LSAMP: variants seen among roughly 807,000 people sequenced by gnomAD.
LSAMP encodes limbic system-associated membrane protein.
LSAMP carries 7 observed loss-of-function variants against 38.6 expected under a neutral mutation model. The ratio of observed to expected loss-of-function variants is 0.18; its 90% CI spans 0.10 to 0.34. The LOEUF is 0.34. Ranked by LOEUF, LSAMP falls within the 10% of genes least tolerant of loss-of-function variation. LSAMP has a pLI of 1.00. For missense variants in LSAMP, 313 were observed against 420.0 expected, an observed-to-expected ratio of 0.75 and a Z score of 2.23; for synonymous variants, 154 against 166.8, an observed-to-expected ratio of 0.92 and a Z score of 0.59.
At chr3:116,357,892 G>T (rs1043056331) in intron 1 of LSAMP, among the ~76,000 whole-genome samples, 3 of 148,890 alleles carry the variant, frequency 2.0e-5, no homozygotes, top group Admixed American at 6.7e-5. Context: ...ACTTGTTTTC[G>T]CAAACAAAGT....
intron 1 of LSAMP, among the ~76,000 whole-genome samples, chr3:116,390,734 C>T (rs1435255349): frequency 4.8e-5 from 6 of 126,058 alleles, no homozygotes; most frequent in East Asian, 2.1e-4. Context: ...AGTGAGACTC[C>T]GCCTCAAAAA....
At chr3:115,946,078 G>A (rs1223329932) in intron 3 of LSAMP, among the ~76,000 whole-genome samples, 1 of 152,212 alleles carries the variant, frequency 6.6e-6, no homozygotes, top group African/African-American at 2.4e-5. Context: ...ATACCGTAAG[G>A]AGACTTCCCA....
intron 3 of LSAMP, among the ~76,000 whole-genome samples, chr3:115,915,932 A>T (rs755515546): frequency 6.6e-6 from 1 of 152,078 alleles, no homozygotes; most frequent in Non-Finnish European, 1.5e-5. Context: ...CCCCTAGAAC[A>T]CTATGCTGAC....
chr3:116,403,672 T>C (rs2048866508), intron 1 of LSAMP, among the ~76,000 whole-genome samples: 1 of 152,194 alleles, frequency 6.6e-6, no homozygotes, highest in Non-Finnish European at 1.5e-5. Context: ...TCTCAAGATT[T>C]ATGCAGTGAA....
At chr3:116,317,157 T>A (rs2047640024) in intron 1 of LSAMP, among the ~76,000 whole-genome samples, 1 of 152,096 alleles carries the variant, frequency 6.6e-6, no homozygotes, top group African/African-American at 2.4e-5. Context: ...CGAGTCCCCT[T>A]CCACGCTGTG....
chr3:115,845,468 G>T (rs1485269008), intron 4 of LSAMP, among the ~76,000 whole-genome samples: 2 of 152,146 alleles, frequency 1.3e-5, no homozygotes, highest in Non-Finnish European at 2.9e-5. Context: ...GGAAATAAAT[G>T]ATTTTTCTGA....
intron 1 of LSAMP, among the ~76,000 whole-genome samples, chr3:116,087,162 G>A (rs1362045263): frequency 2.6e-5 from 4 of 152,172 alleles, no homozygotes; most frequent in African/African-American, 9.7e-5. Flanking sequence ...GCATAAGTTT[G>A]GTTCCAGCTG....
At chr3:116,400,261 A>G (rs768350168) in intron 1 of LSAMP, among the ~76,000 whole-genome samples, 1 of 151,966 alleles carries the variant, frequency 6.6e-6, no homozygotes, top group African/African-American at 2.4e-5. Flanking sequence ...TCAACATTTG[A>G]GATAATCATT....
At chr3:116,202,539 G>T (rs2046001890) in intron 1 of LSAMP, among the ~76,000 whole-genome samples, 1 of 151,960 alleles carries the variant, frequency 6.6e-6, no homozygotes, top group Non-Finnish European at 1.5e-5. Context: ...CTACCACCCA[G>T]GCTCGAATTA....
intron 3 of LSAMP, among the ~76,000 whole-genome samples, chr3:115,995,754 T>G (rs1051526650): frequency 1.3e-5 from 2 of 152,094 alleles, no homozygotes; most frequent in Non-Finnish European, 2.9e-5. Flanking sequence ...TTAAGAAAAC[T>G]CATGTTACAT....
chr3:116,290,470 G>A (rs979415174), intron 1 of LSAMP, among the ~76,000 whole-genome samples: 1 of 151,910 alleles, frequency 6.6e-6, no homozygotes, highest in Non-Finnish European at 1.5e-5. Flanking sequence ...AGTGGCTCAC[G>A]TCTGTAATCC....
rs1379201103 is a variant in LSAMP at position 116,382,239 on chromosome 3, T to G, written c.155+62638A>C. 2.6e-5 allele frequency among the ~76,000 whole-genome samples: 4 copies of G among 152,084 alleles called. 1 individual carries two copies. The highest frequency in any genetic ancestry group is 9.6e-5 in the African/African-American group (4 of 41,482). On this transcript the variant is annotated intron_variant, in intron 1 of 6. Coordinates refer to ENST00000490035, the MANE Select transcript of LSAMP (RefSeq NM_002338.5). ...TTGTGGAACTATTCACAATAGCAAATACTTGGAGCCAACCCAAATGTCCAT... is the reference window on the plus strand; with the variant it reads ...TTGTGGAACTATTCACAATAGCAAAGACTTGGAGCCAACCCAAATGTCCAT...
intron 2 of LSAMP, among the ~76,000 whole-genome samples, chr3:116,075,436 T>C (rs923102981): frequency 3.9e-5 from 6 of 152,056 alleles, no homozygotes; most frequent in Non-Finnish European, 7.4e-5. Flanking sequence ...GCACCTGGCC[T>C]TTTTTCATTT....
At chr3:116,344,541 C>A (rs1043462390) in intron 1 of LSAMP, among the ~76,000 whole-genome samples, 1 of 152,054 alleles carries the variant, frequency 6.6e-6, no homozygotes, top group Non-Finnish European at 1.5e-5. Context: ...CTAAAGAAAT[C>A]TCCTGCCTCT....
At chr3:115,932,845 A>T (rs538932301) in intron 3 of LSAMP, among the ~76,000 whole-genome samples, 1 of 152,308 alleles carries the variant, frequency 6.6e-6, no homozygotes, top group South Asian at 2.1e-4. Context: ...AACTCAATAA[A>T]TAAGAGAGTA....
chr3:116,051,078 G>A (rs1343695531), intron 2 of LSAMP: 2 of 152,136 alleles, frequency 1.3e-5, no homozygotes, highest in Non-Finnish European at 1.5e-5. Flanking sequence ...GACATATTTG[G>A]GAGCCTCATT....
chr3:116,438,382 T>A (rs1257399173), intron 1 of LSAMP, among the ~76,000 whole-genome samples: 12 of 152,206 alleles, frequency 7.9e-5, no homozygotes, highest in Non-Finnish European at 1.3e-4. Flanking sequence ...GCAAAAATAG[T>A]TGTCAGTTAT....
chr3:115,890,320 A>G (rs1936563712), intron 3 of LSAMP, among the ~76,000 whole-genome samples: 1 of 151,926 alleles, frequency 6.6e-6, no homozygotes, highest in African/African-American at 2.4e-5. Flanking sequence ...AGATAGTCAT[A>G]TAGTCATGTA....
rs191956240 is a variant in LSAMP, at chr3:116,086,629, C to T, written c.156-73G>A. The T allele has an allele frequency of 5.0e-5, 57 of 1,138,668 alleles. No individual in the cohort carries two copies. In the African/African-American group the frequency reaches 5.5e-4, roughly 11 times the overall value. 70.5% of individuals were successfully genotyped at this position (1,138,668 alleles called of 1,614,324 possible). A position where few individuals can be genotyped will look rare whatever the true frequency, so the allele number is the denominator to read the frequency against. On this transcript the variant is annotated intron_variant, in intron 1 of 6. Coordinates refer to ENST00000490035, the MANE Select transcript of LSAMP (RefSeq NM_002338.5). ...TGCGTTTCTTCTCTAGGTGATCAGA[C>T]TCAACAAGTCTAAACAAGGAAAATA...
Sources: allele counts gnomAD v4.1 joint callset (sites outside exome capture counted in the v4.1 genomes callset), GRCh38; gene constraint gnomAD v4.1.1; transcripts MANE v1.5; gene names NCBI Gene and HGNC (gene_info 2026-07-23, HGNC 2026-07-21).